TENT2: variants seen among roughly 807,000 people sequenced by gnomAD.
TENT2 encodes terminal nucleotidyltransferase 2, also known as poly(A) RNA polymerase GLD2.
Under a neutral mutation model 72.2 loss-of-function variants are expected in TENT2, and 44 were observed. The observed-to-expected ratio is 0.61, with a 90% confidence interval of 0.48 to 0.78. The LOEUF is 0.78. Ranked by LOEUF, TENT2 falls within the 30% of genes least tolerant of loss-of-function variation. The probability of loss-of-function intolerance (pLI) is 0.00; values close to 1 mark genes in which losing one functional copy is unlikely to be tolerated. For synonymous variants in TENT2, 212 were observed against 192.5 expected (o/e 1.10, Z -0.84); for missense variants, 541 against 569.6 (o/e 0.95, Z 0.51).
intron 4 of TENT2, among the ~76,000 whole-genome samples, chr5:79,637,195 C>T (rs1780812012): frequency 6.6e-6 from 1 of 151,652 alleles, no homozygotes; most frequent in African/African-American, 2.4e-5. Context: ...TGCGACATTG[C>T]ACTCTAGTCT....
intron 4 of TENT2, among the ~76,000 whole-genome samples, chr5:79,631,274 C>T (rs745602106): frequency 3.9e-5 from 6 of 152,208 alleles, no homozygotes; most frequent in Non-Finnish European, 7.3e-5. Flanking sequence ...TTGAGGATTA[C>T]ACTCAAGTTT....
intron 4 of TENT2, among the ~76,000 whole-genome samples, chr5:79,638,759 G>A (rs1009517123): frequency 6.6e-6 from 1 of 152,060 alleles, no homozygotes; most frequent in Non-Finnish European, 1.5e-5. Flanking sequence ...ATGAATACCC[G>A]GTCAGTCAAT....
At chr5:79,661,417 C>T (rs1023398736) in intron 11 of TENT2, among the ~76,000 whole-genome samples, 1 of 152,132 alleles carries the variant, frequency 6.6e-6, no homozygotes, top group Non-Finnish European at 1.5e-5. Flanking sequence ...CATTGTGTTA[C>T]AGTTGCCTAC....
At chr5:79,651,287 CTTT>C (rs1010112962) in intron 10 of TENT2, among the ~76,000 whole-genome samples, 1 of 151,610 alleles carries the variant, frequency 6.6e-6, no homozygotes, top group African/African-American at 2.4e-5. Context: ...GGTGGATGTT[CTTT>C]TTTCCTCTAC....
At chr5:79,624,366 C>T (rs1423962573) in intron 4 of TENT2, among the ~76,000 whole-genome samples, 1 of 152,188 alleles carries the variant, frequency 6.6e-6, no homozygotes, top group Non-Finnish European at 1.5e-5. Flanking sequence ...ACATCTGCTT[C>T]ATTCCTTAGT....
intron 9 of TENT2, 155 bp from the exon 10 acceptor site, chr5:79,648,907 G>A: frequency 1.1e-6 from 1 of 934,732 alleles, no homozygotes; most frequent in Non-Finnish European, 1.6e-6. Flanking sequence ...GGTAACTAAG[G>A]TAAGTTTTAG....
intron 4 of TENT2, among the ~76,000 whole-genome samples, chr5:79,627,112 A>AG (rs1770875339): frequency 6.7e-6 from 1 of 148,452 alleles, no homozygotes; most frequent in Non-Finnish European, 1.5e-5. Flanking sequence ...CCTGGGCGAC[A>AG]GAGTGAGACT....
intron 4 of TENT2, among the ~76,000 whole-genome samples, chr5:79,635,488 C>G (rs1488601739): frequency 2.6e-5 from 4 of 152,082 alleles, no homozygotes; most frequent in African/African-American, 9.7e-5. Context: ...GTGACTGTTT[C>G]TACATTAACA....
At position 79,624,111 on chromosome 5, in the gene TENT2, C is replaced by T. The variant is rs996316491; in HGVS notation, c.465+622C>T. ...TATTTAGTGAAACCTAAAAAATCAC[C>T]TTCTAGGTAATTGAGAGGGGTTTAT... On this transcript the variant is annotated intron_variant, in intron 4 of 14. Coordinates refer to ENST00000453514, the MANE Select transcript of TENT2 (RefSeq NM_001114394.3). Among the ~76,000 whole-genome samples, 16 of 152,212 alleles carry T rather than the reference C, an allele frequency of 1.1e-4. No homozygotes were observed. The South Asian group carries it at 1.9e-3, about 18-fold the overall frequency.
intron 11 of TENT2, among the ~76,000 whole-genome samples, chr5:79,660,124 A>G (rs1801623679): frequency 1.3e-5 from 2 of 152,282 alleles, no homozygotes; most frequent in African/African-American, 4.8e-5. Context: ...TTCAAAATTT[A>G]TAACATTTTA....
At position 79,645,140 on chromosome 5, in the gene TENT2, C is replaced by A. The variant is rs776940898; in HGVS notation, c.769C>A (p.Pro257Thr). Residue 257 changes from proline to threonine, a missense_variant, in exon 8 of 15, where the codon CCT (proline) becomes ACT (threonine). Coordinates refer to ENST00000453514, the MANE Select transcript of TENT2 (RefSeq NM_001114394.3). Reference protein sequence around the residue: ...CTRLSGYIERPQLIRAKVPIV... With the variant: ...CTRLSGYIERTQLIRAKVPIV... ...TCTTTCAGCGGGCTACATTGAGAGA[C>A]CTCAGCTGATTCGAGCAAAAGTGCC... is the stretch of plus-strand genomic sequence containing the variant. 1.2e-6 allele frequency: 2 copies of A among 1,606,250 alleles called. No homozygotes were observed. Among genetic ancestry groups the A allele is most frequent in the East Asian group, 2.3e-5 (1 of 44,402 alleles).
At chr5:79,627,642 T>G (rs532829336) in intron 4 of TENT2, among the ~76,000 whole-genome samples, 1 of 152,220 alleles carries the variant, frequency 6.6e-6, no homozygotes, top group Admixed American at 6.5e-5. Context: ...TGTGCCACCA[T>G]GCCCTGCCAA....
chr5:79,683,371 G>A (rs977424148), intron 14 of TENT2, among the ~76,000 whole-genome samples: 1 of 151,844 alleles, frequency 6.6e-6, no homozygotes, highest in Non-Finnish European at 1.5e-5. Flanking sequence ...ACCCCTGGGT[G>A]TAGTGGTATG....
intron 10 of TENT2, among the ~76,000 whole-genome samples, chr5:79,651,612 TTTGTTTATG>T (rs1386117107): frequency 6.6e-6 from 1 of 152,102 alleles, no homozygotes; most frequent in Admixed American, 6.5e-5. Flanking sequence ...TTTGATTTTT[TTTGTTTATG>T]ACAGCTTAGT....
In TENT2 at chr5:79,619,766, T is replaced by C; in HGVS notation, c.118T>C (p.Phe40Leu). ...YSHQQLIDAQFNFQNADLSRA... is the reference protein window; with the variant it reads ...YSHQQLIDAQLNFQNADLSRA... ...ACACCAGCAGCTTATAGATGCACAA[T>C]TCAACTTTCAGAATGCAGAGTGAGT... Residue 40 changes from phenylalanine to leucine, a missense_variant, in exon 2 of 15, where the codon TTC becomes CTC. Coordinates refer to ENST00000453514, the MANE Select transcript of TENT2 (RefSeq NM_001114394.3). 1 of 1,613,250 alleles carries C rather than the reference T, an allele frequency of 6.2e-7. No individual in the cohort carries two copies. The highest frequency in any genetic ancestry group is 8.5e-7 in the Non-Finnish European group (1 of 1,179,594).
chr5:79,615,511 A>G lies in TENT2; in HGVS notation c.-38+2436A>G, dbSNP rs548592981. Among the ~76,000 whole-genome samples, 4 of 152,288 alleles carry G rather than the reference A, an allele frequency of 2.6e-5. No individual in the cohort carries two copies. In the South Asian group the frequency reaches 8.3e-4, roughly 32 times the overall value. ...AGTGTCTATTCCAACAAAATGAACT[A>G]TCAAGCAAAATTTGTTACAGTGAAT... is the stretch of plus-strand genomic sequence containing the variant. On this transcript the variant is annotated intron_variant, in intron 1 of 14. Transcript: ENST00000453514.
intron 8 of TENT2, among the ~76,000 whole-genome samples, chr5:79,646,959 G>C (rs981628283): frequency 6.6e-6 from 1 of 151,946 alleles, no homozygotes; most frequent in African/African-American, 2.4e-5. Context: ...GGTAGAGACA[G>C]GGTCTCGCCA....
chr5:79,643,665 T>C (rs1453607718), intron 7 of TENT2, among the ~76,000 whole-genome samples: 5 of 152,190 alleles, frequency 3.3e-5, no homozygotes, highest in Admixed American at 6.5e-5. Context: ...AAATGATTTA[T>C]TTCAGTGGAC....
At chr5:79,635,840 G>A (rs527349651) in intron 4 of TENT2, among the ~76,000 whole-genome samples, 1 of 152,302 alleles carries the variant, frequency 6.6e-6, no homozygotes, top group Non-Finnish European at 1.5e-5. Context: ...ACAGGCGTGA[G>A]CTACCTTGCC....
Sources: allele counts gnomAD v4.1 joint callset (sites outside exome capture counted in the v4.1 genomes callset), GRCh38; gene constraint gnomAD v4.1.1; transcripts MANE v1.5; gene names NCBI Gene and HGNC (gene_info 2026-07-23, HGNC 2026-07-21).